Variants in DLGAP1 observed in about 807,000 individuals in gnomAD.
DLGAP1 encodes the protein disks large-associated protein 1.
In DLGAP1, 11 loss-of-function variants were observed where a neutral mutation model predicts 90.8. The observed-to-expected ratio is 0.12, with a 90% CI of 0.08 to 0.20. The LOEUF (loss-of-function observed/expected upper bound fraction) is 0.20. DLGAP1 is among the 10% of genes least tolerant of loss of function. The pLI, the probability that DLGAP1 is intolerant of heterozygous loss-of-function variation, is 1.00. For synonymous variants in DLGAP1, 558 were observed against 540.7 expected (o/e 1.03, Z -0.44); for missense variants, 1,050 against 1,333.8 (o/e 0.79, Z 3.31).
intron 1 of DLGAP1, among the ~76,000 whole-genome samples, chr18:4,361,252 A>C (rs2081624724): frequency 6.6e-6 from 1 of 152,176 alleles, no homozygotes; most frequent in South Asian, 2.1e-4. Flanking sequence ...TTTTGAAGTA[A>C]AACACATTGC....
intron 2 of DLGAP1, among the ~76,000 whole-genome samples, chr18:4,147,935 T>A (rs2076613145): frequency 6.6e-6 from 1 of 152,194 alleles, no homozygotes; most frequent in African/African-American, 2.4e-5. Context: ...CAGCATCATC[T>A]GGGAACATGT....
intron 3 of DLGAP1, among the ~76,000 whole-genome samples, chr18:3,892,673 G>A (rs1360691845): frequency 1.3e-5 from 2 of 151,886 alleles, no homozygotes; most frequent in African/African-American, 4.8e-5. Flanking sequence ...GGTACATGTC[G>A]CATATATAAT....
intron 7 of DLGAP1, among the ~76,000 whole-genome samples, chr18:3,684,592 C>A (rs1244794998): frequency 3.9e-5 from 6 of 152,056 alleles, no homozygotes; most frequent in Non-Finnish European, 8.8e-5. Flanking sequence ...GCAATTCACC[C>A]AAGATTCTAC....
chr18:3,689,370 C>T (rs182803541), intron 7 of DLGAP1, among the ~76,000 whole-genome samples: 2 of 152,294 alleles, frequency 1.3e-5, no homozygotes, highest in East Asian at 3.9e-4. Flanking sequence ...TAATGGGTTT[C>T]AGGAATGTAA....
At chr18:4,213,398 G>T (rs1409695298) in intron 1 of DLGAP1, among the ~76,000 whole-genome samples, 2 of 152,122 alleles carry the variant, frequency 1.3e-5, no homozygotes, top group African/African-American at 4.8e-5. Flanking sequence ...GAGGAAGAAT[G>T]GAAAGGAGTA....
At chr18:3,902,156 G>T (rs2148881712) in intron 3 of DLGAP1, among the ~76,000 whole-genome samples, 1 of 152,284 alleles carries the variant, frequency 6.6e-6, no homozygotes, top group Admixed American at 6.5e-5. Flanking sequence ...AAAATTGATT[G>T]TGTATTTTGA....
At chr18:3,507,802 C>A (rs1427245739) in intron 11 of DLGAP1, among the ~76,000 whole-genome samples, 1 of 117,076 alleles carries the variant, frequency 8.5e-6, no homozygotes, top group East Asian at 3.1e-4. Context: ...GTGCAATGAA[C>A]CTCAGCTCGC....
At chr18:4,121,341 A>G (rs143718131) in intron 2 of DLGAP1, among the ~76,000 whole-genome samples, 1 of 152,146 alleles carries the variant, frequency 6.6e-6, no homozygotes, top group African/African-American at 2.4e-5. Flanking sequence ...GGGACAAAGC[A>G]TCTTTGGTTG....
At chr18:4,164,799 A>G (rs962064706) in intron 1 of DLGAP1, among the ~76,000 whole-genome samples, 5 of 152,204 alleles carry the variant, frequency 3.3e-5, no homozygotes, top group African/African-American at 1.2e-4. Context: ...ATTATAAAAA[A>G]GGACCAAATG....
chr18:4,379,645 T>C (rs1176918406), intron 1 of DLGAP1, among the ~76,000 whole-genome samples: 1 of 152,184 alleles, frequency 6.6e-6, no homozygotes, highest in African/African-American at 2.4e-5. Context: ...TTTGATAGAC[T>C]ATAACTCACT....
chr18:3,727,006 C>T lies in DLGAP1; in HGVS notation c.1591+2129G>A, dbSNP rs1232553239. Reference sequence around the variant, plus strand: ...GATTCAACTTAGATTAAAAATGGAACAACATGAGACACCCTCCCAGGGCTC... The same window carrying T: ...GATTCAACTTAGATTAAAAATGGAATAACATGAGACACCCTCCCAGGGCTC... On this transcript the variant is annotated intron_variant, in intron 7 of 12. Coordinates refer to ENST00000315677, the MANE Select transcript of DLGAP1 (RefSeq NM_004746.4). The surrounding 1 kb of genome is among the most constrained non-coding windows in gnomAD (Gnocchi z 4.7). Among the ~76,000 whole-genome samples, 1 of 152,214 alleles carries T rather than the reference C, an allele frequency of 6.6e-6. No individual in the cohort carries two copies. Among genetic ancestry groups the T allele is most frequent in the Non-Finnish European group, 1.5e-5 (1 of 68,046 alleles).
At chr18:3,839,516 G>A (rs1358985231) in intron 4 of DLGAP1, among the ~76,000 whole-genome samples, 1 of 152,160 alleles carries the variant, frequency 6.6e-6, no homozygotes, top group Admixed American at 6.5e-5. Flanking sequence ...TGGGCAAAGA[G>A]AAGAGAGGAG....
intron 8 of DLGAP1, among the ~76,000 whole-genome samples, chr18:3,579,164 A>G (rs2055337665): frequency 6.6e-6 from 1 of 152,208 alleles, no homozygotes; most frequent in Non-Finnish European, 1.5e-5. Context: ...TCACACAACA[A>G]TGTGAATGTC....
At chr18:4,020,061 T>A (rs1240151825) in intron 2 of DLGAP1, among the ~76,000 whole-genome samples, 1 of 152,232 alleles carries the variant, frequency 6.6e-6, no homozygotes, top group Non-Finnish European at 1.5e-5. Context: ...TACAAAGGAA[T>A]GTCTGGGTTA....
rs927587281 is a variant in DLGAP1, at chr18:4,369,822, A to T, written c.-267+85184T>A. On this transcript the variant is annotated intron_variant, in intron 1 of 12. Coordinates refer to ENST00000315677, the MANE Select transcript of DLGAP1 (RefSeq NM_004746.4). ...GAAAGGAGAAAGTCTTAGTAAAAAA[A>T]AAAAAAAAAAAAAAAAAGGCGGGGG... is the stretch of plus-strand genomic sequence containing the variant. Among the ~76,000 whole-genome samples the T allele has an allele frequency of 2.2e-3, 333 of 149,168 alleles. 3 individuals carry two copies. Among genetic ancestry groups the T allele is most frequent in the African/African-American group, 7.7e-3 (307 of 40,040 alleles).
intron 2 of DLGAP1, among the ~76,000 whole-genome samples, chr18:4,077,461 AC>A (rs2075540427): frequency 6.6e-6 from 1 of 152,150 alleles, no homozygotes; most frequent in African/African-American, 2.4e-5. Context: ...TGGGGGTGGA[AC>A]CACATGAATA....
intron 2 of DLGAP1, among the ~76,000 whole-genome samples, chr18:4,014,633 A>G (rs1269257269): frequency 2.6e-5 from 4 of 152,242 alleles, no homozygotes; most frequent in African/African-American, 9.7e-5. Context: ...TACACATTGT[A>G]TGCAGGTATC....
intron 7 of DLGAP1, among the ~76,000 whole-genome samples, chr18:3,608,848 A>T (rs1332969261): frequency 1.3e-5 from 2 of 151,958 alleles, no homozygotes; most frequent in Non-Finnish European, 2.9e-5. Flanking sequence ...GAAACTTTTC[A>T]TTTTTTTGAG....
At chr18:4,172,349 C>T (rs1174581593) in intron 1 of DLGAP1, among the ~76,000 whole-genome samples, 8 of 152,154 alleles carry the variant, frequency 5.3e-5, no homozygotes, top group South Asian at 2.1e-4. Context: ...TGCCAATGTT[C>T]GTCCCTTTTA....
Sources: allele counts gnomAD v4.1 joint callset (sites outside exome capture counted in the v4.1 genomes callset), GRCh38; gene constraint gnomAD v4.1.1; non-coding constraint Gnocchi (gnomAD v3.1); transcripts MANE v1.5; gene names NCBI Gene and HGNC (gene_info 2026-07-23, HGNC 2026-07-21).